API5: variants seen among roughly 807,000 people sequenced by gnomAD.
API5 encodes apoptosis inhibitor 5.
Under a neutral mutation model 71.9 loss-of-function variants are expected in API5, and 6 were observed. The observed-to-expected ratio is 0.08, with a 90% confidence interval of 0.05 to 0.16. API5 has a LOEUF of 0.16. API5 is among the 10% of genes least tolerant of loss of function. The pLI is 1.00. For missense variants in API5, 332 were observed against 612.8 expected (o/e 0.54, Z 4.84); for synonymous variants, 189 against 221.3 (o/e 0.85, Z 1.30).
chr11:43,319,883 T>C (rs1169625244), intron 2 of API5, among the ~76,000 whole-genome samples: 1 of 152,186 alleles, frequency 6.6e-6, no homozygotes, highest in Non-Finnish European at 1.5e-5. Flanking sequence ...AATACTATAT[T>C]ATAAGCCCAT....
At position 43,341,260 on chromosome 11, in the gene API5, GATTAAAAGTCAGAC is replaced by G. The variant is rs1355798921; in HGVS notation, c.1493-1164_1493-1151del. On this transcript the variant is annotated intron_variant, in intron 13 of 13. Coordinates refer to ENST00000531273, the MANE Select transcript of API5 (RefSeq NM_001142930.2). ...AAGAGATTTTATCTCATTTACATAT[GATTAAAAGTCAGAC>G]ATTGGCACCCCCATGTTTATTGTAG... Among the ~76,000 whole-genome samples the G allele has an allele frequency of 2.0e-5, 3 of 152,222 alleles. No individual in the cohort carries two copies. In the East Asian group the frequency reaches 5.8e-4, roughly 29 times the overall value.
At chr11:43,337,416 A>G (rs1045295488) in intron 13 of API5, among the ~76,000 whole-genome samples, 1 of 152,234 alleles carries the variant, frequency 6.6e-6, no homozygotes, top group Admixed American at 6.5e-5. Flanking sequence ...TTACTTCTAT[A>G]ACAGTTGAAT....
intron 10 of API5, 88 bp downstream of exon 10, chr11:43,330,146 C>T: frequency 9.4e-7 from 1 of 1,065,822 alleles, no homozygotes; most frequent in Non-Finnish European, 1.4e-6. Context: ...TTTCCCTTAT[C>T]TCACCTAATT....
At chr11:43,327,911 C>A in intron 8 of API5, 33 bp downstream of exon 8, 2 of 1,330,094 alleles carry the variant, frequency 1.5e-6, no homozygotes, top group South Asian at 2.7e-5. Flanking sequence ...ATGGGATAGT[C>A]AGTATATAGC....
At chr11:43,326,779 A>T (rs1344953891) in intron 7 of API5, among the ~76,000 whole-genome samples, 168 bp downstream of exon 7, 2 of 152,184 alleles carry the variant, frequency 1.3e-5, no homozygotes, top group Non-Finnish European at 2.9e-5. Context: ...TGCTTCATGG[A>T]TTCAATTAAA....
chr11:43,341,005 A>G (rs938903658), intron 13 of API5, among the ~76,000 whole-genome samples: 2 of 152,248 alleles, frequency 1.3e-5, no homozygotes, highest in African/African-American at 2.4e-5. Flanking sequence ...AGAATGGGAG[A>G]AAATATTTGT....
intron 13 of API5, among the ~76,000 whole-genome samples, chr11:43,338,826 A>G (rs1328758338): frequency 6.6e-6 from 1 of 152,160 alleles, no homozygotes; most frequent in Non-Finnish European, 1.5e-5. Flanking sequence ...AGCTAATAAT[A>G]GTATCTATGA....
chr11:43,326,063 A>G (rs577979611), intron 6 of API5, among the ~76,000 whole-genome samples: 195 of 152,278 alleles, frequency 1.3e-3, no homozygotes, highest in Non-Finnish European at 2.2e-3. Flanking sequence ...CATCCACCTT[A>G]AAGTCCTTAT....
intron 4 of API5, 110 bp downstream of exon 4, chr11:43,321,586 A>C (rs531733147): frequency 1.1e-6 from 1 of 896,936 alleles, no homozygotes; most frequent in African/African-American, 1.7e-5. Flanking sequence ...CTATTTCATA[A>C]AAATTCTAAG....
intron 3 of API5, among the ~76,000 whole-genome samples, chr11:43,321,116 C>G (rs1258274605): frequency 6.6e-6 from 1 of 151,968 alleles, no homozygotes; most frequent in East Asian, 1.9e-4. Flanking sequence ...TTTTTAATTC[C>G]GTTATGAAGG....
At chr11:43,321,509 A>T (rs368627391) in intron 4 of API5, 33 bp downstream of exon 4, 1 of 1,519,622 alleles carries the variant, frequency 6.6e-7, no homozygotes, top group Admixed American at 1.7e-5. Context: ...ATTGTGTTTG[A>T]TGTCTTACAG....
At chr11:43,331,434 A>T (rs1244800056) in intron 11 of API5, 2 of 155,798 alleles carry the variant, frequency 1.3e-5, no homozygotes, top group African/African-American at 4.8e-5. Flanking sequence ...GTTAATTAAC[A>T]CATTTTTTAT....
At chr11:43,314,759 G>T (rs994800558) in intron 1 of API5, among the ~76,000 whole-genome samples, 5 of 152,168 alleles carry the variant, frequency 3.3e-5, no homozygotes, top group African/African-American at 1.2e-4. Context: ...GAAAACCGAA[G>T]ATAATGCCTA....
chr11:43,319,771 A>G (rs1274770014), intron 2 of API5, among the ~76,000 whole-genome samples: 1 of 152,218 alleles, frequency 6.6e-6, no homozygotes, highest in Non-Finnish European at 1.5e-5. Context: ...GGAATTAAAC[A>G]TGCAGAATAT....
rs559170436 is a variant in API5 at position 43,337,007 on chromosome 11, CAAAAAAAAAAAAA to C, written c.1492+1025_1492+1037del. 9.0e-5 allele frequency among the ~76,000 whole-genome samples: 6 copies of C among 66,862 alleles called. No homozygotes were observed. The East Asian group carries it at 3.3e-3, about 37-fold the overall frequency. 43.9% of individuals were successfully genotyped at this position (66,862 alleles called of 152,430 possible). On this transcript the variant is annotated intron_variant, in intron 13 of 13. Transcript: ENST00000531273. Reference sequence around the variant, plus strand: ...TAGGCGACAGAGCAAGACTCCGTCTCAAAAAAAAAAAAAAAAAAAAAAAAGACAAAGTTTAGGC... The same window carrying C: ...TAGGCGACAGAGCAAGACTCCGTCTCAAAAAAAAAAAGACAAAGTTTAGGC...
chr11:43,334,555 A>T (rs115064887), intron 11 of API5, among the ~76,000 whole-genome samples: 1 of 152,112 alleles, frequency 6.6e-6, no homozygotes, highest in East Asian at 1.9e-4. Context: ...TTTTACCTAT[A>T]TACAAAAAAT....
rs146184192 is a variant in API5 at position 43,334,714 on chromosome 11, G to A, written c.1279-564G>A. 4.5e-3 allele frequency among the ~76,000 whole-genome samples: 687 copies of A among 152,052 alleles called. 4 individuals are homozygous for A. Among genetic ancestry groups the A allele is most frequent in the African/African-American group, 0.016 (645 of 41,476 alleles). On this transcript the variant is annotated intron_variant, in intron 11 of 13. Transcript: ENST00000531273. ...TGCATTCCTACCACTTTGATCACTCGGTATTTAAATCTTACACGGTTTTTT... is the reference window on the plus strand; with the variant it reads ...TGCATTCCTACCACTTTGATCACTCAGTATTTAAATCTTACACGGTTTTTT...
At chr11:43,340,686 A>T (rs1312077966) in intron 13 of API5, among the ~76,000 whole-genome samples, 3 of 152,076 alleles carry the variant, frequency 2.0e-5, no homozygotes, top group Non-Finnish European at 4.4e-5. Context: ...GAGGGACAAA[A>T]AAAAAAGGGA....
At position 43,327,755 on chromosome 11, in the gene API5, C is replaced by CA. The variant is rs771538107; in HGVS notation, c.856-27dup. ...TCTCATTTCATAACCCTTGCTTATT[C>CA]AAAAAAACAGTAATAGTGAATTGTG... On this transcript the variant is annotated intron_variant, in intron 7 of 13. Coordinates refer to ENST00000531273, the MANE Select transcript of API5 (RefSeq NM_001142930.2). 94 of 1,503,846 alleles carry CA rather than the reference C, an allele frequency of 6.3e-5. No homozygotes were observed. The East Asian group carries it at 1.9e-3, about 31-fold the overall frequency. 93.2% of individuals were successfully genotyped at this position (1,503,846 alleles called of 1,614,324 possible).
Sources: gnomAD v4.1 joint callset for allele counts (sites outside exome capture counted in the v4.1 genomes callset) on GRCh38, gnomAD v4.1.1 for gene constraint, MANE v1.5 for transcripts, NCBI Gene and HGNC (gene_info 2026-07-23, HGNC 2026-07-21) for gene names.